HDDC2: variants seen among roughly 807,000 people sequenced by gnomAD.
The protein encoded by HDDC2 is 5'-deoxynucleotidase HDDC2.
A neutral mutation model predicts 25.5 loss-of-function variants in HDDC2; 25 were observed. That is an observed-to-expected ratio of 0.98 (90% CI 0.72 to 1.37). The LOEUF is 1.37. HDDC2 is among the 40% of genes most tolerant of loss of function. HDDC2 has a pLI of 0.00. For missense variants in HDDC2, 264 were observed against 253.1 expected, an observed-to-expected ratio of 1.04 and a Z score of -0.29; for synonymous variants, 106 against 89.7, an observed-to-expected ratio of 1.18 and a Z score of -1.03.
In HDDC2 at chr6:125,300,608, C is replaced by G. The variant is rs530940861; in HGVS notation, c.136G>C (p.Val46Leu). 6 of 1,614,126 alleles carry G rather than the reference C, an allele frequency of 3.7e-6. No individual in the cohort carries two copies. Among genetic ancestry groups the G allele is most frequent in the African/African-American group, 2.7e-5 (2 of 75,048 alleles). The change falls in exon 2 of 6, where the codon GTT becomes CTT. Residue 46 changes from valine (V) to leucine (L), a missense_variant. Transcript: ENST00000398153. ...VYRNVQRPES[V>L]SDHMYRMAVM... is the part of the protein sequence containing the mutation. ...GCCATCCGGTACATGTGATCTGAAA[C>G]GCTCTCCGGCCTCTGGACATTTCTG...
At chr6:125,292,265 A>G (rs933698019) in intron 4 of HDDC2, among the ~76,000 whole-genome samples, 4 of 152,112 alleles carry the variant, frequency 2.6e-5, no homozygotes, top group Admixed American at 2.6e-4. Context: ...GAGGGAAGCA[A>G]TGGGAAACAA....
intron 4 of HDDC2, chr6:125,279,549 T>C (rs911934498): frequency 6.6e-6 from 1 of 152,082 alleles, no homozygotes; most frequent in African/African-American, 2.4e-5. Flanking sequence ...CCACAAAATA[T>C]AGTATGTGAG....
At chr6:125,282,133 G>A (rs1187661841) in intron 4 of HDDC2, among the ~76,000 whole-genome samples, 1 of 152,132 alleles carries the variant, frequency 6.6e-6, no homozygotes, top group Non-Finnish European at 1.5e-5. Context: ...ATCATCTGAG[G>A]TCAGGAGTTC....
At chr6:125,289,523 A>C (rs1366295719) in intron 4 of HDDC2, among the ~76,000 whole-genome samples, 3 of 149,694 alleles carry the variant, frequency 2.0e-5, no homozygotes, top group African/African-American at 7.5e-5. Context: ...AACAAAAAAA[A>C]CAAAAAAAAA....
intron 4 of HDDC2, among the ~76,000 whole-genome samples, chr6:125,285,453 A>T (rs1798519394): frequency 6.6e-6 from 1 of 152,184 alleles, no homozygotes; most frequent in African/African-American, 2.4e-5. Context: ...AATATGATAA[A>T]TAATGCCTTA....
intron 4 of HDDC2, among the ~76,000 whole-genome samples, chr6:125,287,944 C>T (rs1191259678): frequency 1.3e-5 from 2 of 152,168 alleles, no homozygotes; most frequent in Non-Finnish European, 2.9e-5. Context: ...GGCCGAAGGC[C>T]GGCTGTGACC....
chr6:125,289,908 G>A (rs1207137107), intron 4 of HDDC2, among the ~76,000 whole-genome samples: 1 of 152,222 alleles, frequency 6.6e-6, no homozygotes, highest in Non-Finnish European at 1.5e-5. Context: ...AGGTGGTGGA[G>A]AAGACATCTT....
At chr6:125,280,243 C>G (rs1319857552) in intron 4 of HDDC2, among the ~76,000 whole-genome samples, 1 of 152,210 alleles carries the variant, frequency 6.6e-6, no homozygotes, top group African/African-American at 2.4e-5. Flanking sequence ...CTTTGCAACC[C>G]ACAGACCAGG....
chr6:125,276,436 C>T (rs1192441870), intron 5 of HDDC2, 193 bp from the exon 6 acceptor site: 1 of 573,670 alleles, frequency 1.7e-6, no homozygotes, highest in African/African-American at 1.9e-5. Context: ...CGCTCTGTCA[C>T]CCCAGGTGCA....
intron 5 of HDDC2, 167 bp from the exon 6 acceptor site, chr6:125,276,410 G>T: frequency 3.3e-6 from 2 of 598,592 alleles, no homozygotes; most frequent in Non-Finnish European, 5.9e-6. Flanking sequence ...GGCTGAAGGG[G>T]ACCACTTGGC....
chr6:125,276,764 A>T, intron 5 of HDDC2: 1 of 313,072 alleles, frequency 3.2e-6, no homozygotes, highest in Admixed American at 4.7e-5. Context: ...TGCTCCTCAG[A>T]CCTCCCCAGA....
At chr6:125,298,573 C>T in intron 3 of HDDC2, 141 bp downstream of exon 3, 1 of 653,050 alleles carries the variant, frequency 1.5e-6, no homozygotes, top group Non-Finnish European at 2.7e-6. Flanking sequence ...AATATCTTCC[C>T]CTGACCTTCC....
chr6:125,300,576 C>T lies in HDDC2; in HGVS notation c.168G>A (p.Met56Ile), dbSNP rs1316931675. The T allele has an allele frequency of 7.4e-6, 12 of 1,614,064 alleles. No homozygotes were observed. Among genetic ancestry groups the T allele is most frequent in the Non-Finnish European group, 1.0e-5 (12 of 1,180,024 alleles). Residue 56 changes from methionine (M) to isoleucine (I), a missense_variant, in exon 2 of 6, where the codon ATG becomes ATA. Met to Ile is a conservative substitution (Grantham distance 10). Transcript: ENST00000398153. ...GACGGTCATCTTTGATCACCATAGCCATAACTGCCATCCGGTACATGTGAT... is the reference window on the plus strand; with the variant it reads ...GACGGTCATCTTTGATCACCATAGCTATAACTGCCATCCGGTACATGTGAT... ...VSDHMYRMAV[M>I]AMVIKDDRLN...
At position 125,276,258 on chromosome 6, in the gene HDDC2, A is replaced by G; in HGVS notation, c.518-15T>C. On this transcript the variant is annotated splice_polypyrimidine_tract_variant and intron_variant, in intron 5 of 5. Coordinates refer to ENST00000398153, the MANE Select transcript of HDDC2 (RefSeq NM_016063.3). Reference sequence around the variant, plus strand: ...ATTGAATTTTCCTGCAAAGCAAAAGAACAGGGAAAAATACATTCCCATATT... The same window carrying G: ...ATTGAATTTTCCTGCAAAGCAAAAGGACAGGGAAAAATACATTCCCATATT... The G allele has an allele frequency of 6.3e-7, 1 of 1,587,394 alleles. No homozygotes were observed. Among genetic ancestry groups the G allele is most frequent in the Non-Finnish European group, 8.6e-7 (1 of 1,156,262 alleles).
intron 3 of HDDC2, among the ~76,000 whole-genome samples, chr6:125,293,586 T>C (rs1406961499): frequency 6.6e-6 from 1 of 152,168 alleles, no homozygotes; most frequent in Admixed American, 6.5e-5. Flanking sequence ...TGTGCATTGG[T>C]AGGGAGCCTA....
chr6:125,276,265 A>C, intron 5 of HDDC2, 22 bp from the exon 6 acceptor site: 1 of 1,534,390 alleles, frequency 6.5e-7, no homozygotes, highest in Non-Finnish European at 9.0e-7. Flanking sequence ...AAGAACAGGG[A>C]AAAATACATT....
At chr6:125,300,013 C>T (rs531079092) in intron 2 of HDDC2, among the ~76,000 whole-genome samples, 1 of 152,200 alleles carries the variant, frequency 6.6e-6, no homozygotes, top group African/African-American at 2.4e-5. Flanking sequence ...TCACTTCTTA[C>T]AGAAGCTATT....
intron 4 of HDDC2, chr6:125,278,282 A>G (rs1297662416): frequency 6.6e-6 from 1 of 152,210 alleles, no homozygotes; most frequent in Non-Finnish European, 1.5e-5. Flanking sequence ...ACTTAAAAAT[A>G]ATTTCATTTT....
chr6:125,290,801 G>C (rs1466177508), intron 4 of HDDC2, among the ~76,000 whole-genome samples: 2 of 152,202 alleles, frequency 1.3e-5, no homozygotes, highest in African/African-American at 4.8e-5. Context: ...ACATTTATAA[G>C]ATAGTAAACT....
Sources: allele counts gnomAD v4.1 joint callset (sites outside exome capture counted in the v4.1 genomes callset), GRCh38; gene constraint gnomAD v4.1.1; transcripts MANE v1.5; gene names NCBI Gene and HGNC (gene_info 2026-07-23, HGNC 2026-07-21).